The following SSBP3 variants were observed in gnomAD, a reference collection of about 807,000 sequenced individuals.
SSBP3 encodes single-stranded DNA-binding protein 3.
A neutral mutation model predicts 69.6 loss-of-function variants in SSBP3; 5 were observed. The observed-to-expected ratio is 0.07, with a 90% CI of 0.04 to 0.15. SSBP3 has a LOEUF of 0.15. SSBP3 is among the 10% of genes least tolerant of loss of function. The pLI, the probability that SSBP3 is intolerant of heterozygous loss-of-function variation, is 1.00. For synonymous variants in SSBP3, 196 were observed against 193.4 expected, an observed-to-expected ratio of 1.01 and a Z score of -0.11; for missense variants, 312 against 534.0, an observed-to-expected ratio of 0.58 and a Z score of 4.10.
chr1:54,270,693 C>T (rs564202843), intron 5 of SSBP3, among the ~76,000 whole-genome samples: 2 of 152,304 alleles, frequency 1.3e-5, no homozygotes, highest in South Asian at 2.1e-4. Flanking sequence ...ACAGTACAGT[C>T]CCAGACACGC....
chr1:54,252,059 G>A (rs541050775), intron 7 of SSBP3, among the ~76,000 whole-genome samples, 199 bp from the exon 8 acceptor site: 2 of 152,306 alleles, frequency 1.3e-5, no homozygotes, highest in South Asian at 2.1e-4. Flanking sequence ...AGCTATAACT[G>A]TGGCGTTGTT....
intron 4 of SSBP3, among the ~76,000 whole-genome samples, chr1:54,373,030 A>C (rs1022525148): frequency 6.6e-6 from 1 of 152,204 alleles, no homozygotes; most frequent in Non-Finnish European, 1.5e-5. Context: ...GGAATGATGA[A>C]GAGCAAACCA....
chr1:54,249,452 T>G (rs1302667219), intron 9 of SSBP3, among the ~76,000 whole-genome samples: 2 of 152,078 alleles, frequency 1.3e-5, no homozygotes, highest in Admixed American at 1.3e-4. Flanking sequence ...CCCAGCACTT[T>G]GGGAGGCTGA....
At chr1:54,233,607 C>T (rs1417048161) in intron 14 of SSBP3, among the ~76,000 whole-genome samples, 3 of 148,660 alleles carry the variant, frequency 2.0e-5, no homozygotes, top group East Asian at 2.0e-4. Flanking sequence ...GCCCCCTGCC[C>T]GGCCAGCCGC....
chr1:54,337,445 CA>C (rs375650985), intron 4 of SSBP3, among the ~76,000 whole-genome samples: 6 of 142,480 alleles, frequency 4.2e-5, no homozygotes, highest in South Asian at 4.5e-4. Flanking sequence ...CTTCAAGCAG[CA>C]AAAGGTTGGC....
chr1:54,370,247 T>C (rs933288954), intron 4 of SSBP3, among the ~76,000 whole-genome samples: 10 of 152,144 alleles, frequency 6.6e-5, no homozygotes, highest in Admixed American at 3.3e-4. Flanking sequence ...GCATCCAACT[T>C]TCACTTATCT....
chr1:54,396,324 T>C (rs1648884454), intron 4 of SSBP3, among the ~76,000 whole-genome samples: 1 of 152,010 alleles, frequency 6.6e-6, no homozygotes, highest in East Asian at 1.9e-4. Flanking sequence ...AATAGTCTAA[T>C]GCACTTGTGC....
intron 4 of SSBP3, among the ~76,000 whole-genome samples, chr1:54,392,474 A>G (rs1171843954): frequency 6.6e-6 from 1 of 152,198 alleles, no homozygotes; most frequent in Admixed American, 6.5e-5. Context: ...GAAAACAGAC[A>G]TTTCCAGAAA....
At chr1:54,388,576 T>C (rs1427096064) in intron 4 of SSBP3, among the ~76,000 whole-genome samples, 3 of 152,218 alleles carry the variant, frequency 2.0e-5, no homozygotes, top group African/African-American at 7.2e-5. Flanking sequence ...GTGGGAAAGC[T>C]TGGTGGAGAA....
At chr1:54,357,794 T>C (rs1013094052) in intron 4 of SSBP3, among the ~76,000 whole-genome samples, 3 of 152,194 alleles carry the variant, frequency 2.0e-5, no homozygotes, top group Admixed American at 6.5e-5. Flanking sequence ...ACACCACAAA[T>C]GGCCTGGCAC....
Position 54,228,949 on chromosome 1 carries a change from G to A in SSBP3, c.928-123C>T, listed in dbSNP as rs910492748. On this transcript the variant is annotated intron_variant, in intron 14 of 17. Coordinates refer to ENST00000610401, the Ensembl canonical transcript of SSBP3. The stretch of plus-strand genomic sequence containing the variant: ...GGGAACCCCTGCTCCGGCAGGCTCT[G>A]CTCACACTCGGACATGTCCTGCCTG... 3.0e-6 allele frequency: 3 copies of A among 1,005,050 alleles called. No homozygotes were observed. The African/African-American group carries it at 4.8e-5, about 16-fold the overall frequency. 62.3% of individuals were successfully genotyped at this position (1,005,050 alleles called of 1,614,324 possible). A position where few individuals can be genotyped will look rare whatever the true frequency, so the allele number is the denominator to read the frequency against.
intron 8 of SSBP3, 41 bp from the exon 9 acceptor site, chr1:54,251,733 G>A (rs748751218): frequency 2.5e-6 from 4 of 1,586,336 alleles, no homozygotes; most frequent in Non-Finnish European, 2.6e-6. Context: ...GGCAGGAGTG[G>A]AGGGAGGAGG....
intron 1 of SSBP3, 48 bp from the exon 2 acceptor site, chr1:54,404,978 C>T (rs1307513166): frequency 6.5e-7 from 1 of 1,533,316 alleles, no homozygotes; most frequent in East Asian, 2.3e-5. Context: ...GGCGTCAGAT[C>T]CCACCGGCGC....
At chr1:54,276,124 T>A (rs964333423) in intron 5 of SSBP3, among the ~76,000 whole-genome samples, 1 of 152,180 alleles carries the variant, frequency 6.6e-6, no homozygotes, top group Admixed American at 6.5e-5. Context: ...TACTCCCTAC[T>A]ATCCTTCACC....
chr1:54,256,499 G>A (rs998329215), intron 7 of SSBP3, among the ~76,000 whole-genome samples: 6 of 151,988 alleles, frequency 3.9e-5, no homozygotes, highest in Admixed American at 2.6e-4. Context: ...ATGGGCCAGC[G>A]TAAGGCATAT....
chr1:54,269,384 CTT>C (rs1419652585), intron 5 of SSBP3, among the ~76,000 whole-genome samples: 2 of 152,162 alleles, frequency 1.3e-5, no homozygotes, highest in South Asian at 2.1e-4. Flanking sequence ...CCACTGGACT[CTT>C]ATATCCACGC....
chr1:54,322,050 G>T (rs1368551755), intron 4 of SSBP3, among the ~76,000 whole-genome samples: 2 of 152,178 alleles, frequency 1.3e-5, no homozygotes, highest in Non-Finnish European at 2.9e-5. Context: ...GACCTCAAAG[G>T]CTGCAGGTGG....
At chr1:54,380,311 T>G (rs1257609310) in intron 4 of SSBP3, among the ~76,000 whole-genome samples, 2 of 152,130 alleles carry the variant, frequency 1.3e-5, no homozygotes, top group African/African-American at 4.8e-5. Flanking sequence ...CTCACCCCCA[T>G]GCCCAAATGC....
intron 17 of SSBP3, 38 bp downstream of exon 17, chr1:54,228,217 C>CGTG (rs1557434428): frequency 1.9e-6 from 3 of 1,584,584 alleles, no homozygotes; most frequent in African/African-American, 1.3e-5. Context: ...GTCCCCAGGC[C>CGTG]GTGGGGACGA....
Sources: allele counts gnomAD v4.1 joint callset (sites outside exome capture counted in the v4.1 genomes callset), GRCh38; gene constraint gnomAD v4.1.1; transcripts MANE v1.5; gene names NCBI Gene and HGNC (gene_info 2026-07-23, HGNC 2026-07-21).